Variants in PDZD2 observed in about 807,000 individuals in gnomAD.
PDZD2 encodes PDZ domain containing 2.
In PDZD2, 90 loss-of-function variants were observed where a neutral mutation model predicts 220.7. That is an observed-to-expected ratio of 0.41 (90% confidence interval 0.34 to 0.49). PDZD2 has a LOEUF of 0.49. PDZD2 is among the 20% of genes least tolerant of loss of function. The probability of loss-of-function intolerance (pLI) is 0.28; values close to 1 mark genes in which losing one functional copy is unlikely to be tolerated. For synonymous variants in PDZD2, 1,375 were observed against 1,450.5 expected (o/e 0.95, Z 1.18); for missense variants, 3,174 against 3,608.5 (o/e 0.88, Z 3.08).
intron 1 of PDZD2, among the ~76,000 whole-genome samples, chr5:31,795,011 G>C (rs907144321): frequency 3.9e-5 from 6 of 152,182 alleles, no homozygotes; most frequent in South Asian, 2.1e-4. Context: ...TAAGGATCTA[G>C]GCTCTGAATT....
At chr5:32,019,397 G>A (rs1166092244) in intron 6 of PDZD2, among the ~76,000 whole-genome samples, 1 of 152,172 alleles carries the variant, frequency 6.6e-6, no homozygotes, top group African/African-American at 2.4e-5. Flanking sequence ...TCCCGTCTCA[G>A]CCTCCCAAAG....
chr5:31,673,690 G>A (rs1477395800), intron 1 of PDZD2, among the ~76,000 whole-genome samples: 1 of 152,172 alleles, frequency 6.6e-6, no homozygotes, highest in African/African-American at 2.4e-5. Context: ...GAGATACTAG[G>A]CAGGGTGCAG....
intron 1 of PDZD2, among the ~76,000 whole-genome samples, chr5:31,718,252 T>A (rs768549670): frequency 6.6e-6 from 1 of 152,092 alleles, no homozygotes; most frequent in Non-Finnish European, 1.5e-5. Flanking sequence ...TGCAGGGCTG[T>A]AATTTGATCT....
chr5:31,898,748 C>T (rs1432830526), intron 2 of PDZD2, among the ~76,000 whole-genome samples: 1 of 151,542 alleles, frequency 6.6e-6, no homozygotes, highest in East Asian at 1.9e-4. Flanking sequence ...TGGGAACTCA[C>T]CAGACAGGTC....
At chr5:32,048,397 G>T (rs1249820687) in intron 7 of PDZD2, 142 bp from the exon 8 acceptor site, 3 of 661,694 alleles carry the variant, frequency 4.5e-6, no homozygotes, top group Non-Finnish European at 7.9e-6. Context: ...GATGGGCTAG[G>T]CTCTGTGCTT....
Position 31,760,977 on chromosome 5 carries a change from G to A in PDZD2, c.-360-37912G>A, listed in dbSNP as rs550547350. ...ACATTTGTTGAGTGGAAGAGTAGAG[G>A]AGGGAGGAAGAGCATTCTAGAAGTC... is the stretch of plus-strand genomic sequence containing the variant. On this transcript the variant is annotated intron_variant, in intron 1 of 24. Transcript: ENST00000438447. Among the ~76,000 whole-genome samples, 6 of 152,110 alleles carry A rather than the reference G, an allele frequency of 3.9e-5. No homozygotes were observed. In the South Asian group the frequency reaches 1.3e-3, roughly 32 times the overall value.
Position 31,646,630 on chromosome 5 carries a change from C to G in PDZD2, c.-361+7193C>G, listed in dbSNP as rs986732100. Among the ~76,000 whole-genome samples the G allele has an allele frequency of 6.6e-6, 1 of 152,134 alleles. No individual in the cohort carries two copies. The highest frequency in any genetic ancestry group is 1.5e-5 in the Non-Finnish European group (1 of 68,034). On this transcript the variant is annotated intron_variant, in intron 1 of 24. Transcript: ENST00000438447. This position sits in a 1 kb window ranked among gnomAD's most constrained non-coding sequence, Gnocchi z 4.7. Reference sequence around the variant, plus strand: ...CCCGCCCAACACCCTCTTTCTGGCACAGTGTGTTTTATGGAGATTTGGGTA... The same window carrying G: ...CCCGCCCAACACCCTCTTTCTGGCAGAGTGTGTTTTATGGAGATTTGGGTA...
chr5:32,077,888 C>T (rs1741463068), intron 19 of PDZD2: 4 of 328,552 alleles, frequency 1.2e-5, no homozygotes, highest in Non-Finnish European at 2.3e-5. Flanking sequence ...ACTGGGTAGG[C>T]GGAGGTTGCA....
chr5:31,886,648 G>GGTCT (rs1413035469), intron 2 of PDZD2, among the ~76,000 whole-genome samples: 4 of 152,178 alleles, frequency 2.6e-5, no homozygotes, highest in African/African-American at 7.2e-5. Context: ...GACTGTTACA[G>GGTCT]GTAGAGCCCA....
chr5:31,751,550 G>A (rs1257633182), intron 1 of PDZD2, among the ~76,000 whole-genome samples: 1 of 151,960 alleles, frequency 6.6e-6, no homozygotes, highest in East Asian at 1.9e-4. Context: ...GAAAGATGAT[G>A]GTAAGCCCAT....
chr5:31,712,136 C>T (rs1430072154), intron 1 of PDZD2: 1 of 152,244 alleles, frequency 6.6e-6, no homozygotes, highest in Non-Finnish European at 1.5e-5. Context: ...AACCCAGAGC[C>T]CTGAGGAGCA....
chr5:31,936,349 A>G, intron 2 of PDZD2: 1 of 986,992 alleles, frequency 1.0e-6, no homozygotes, highest in Non-Finnish European at 1.2e-6. Flanking sequence ...TAAAGCAGGT[A>G]GGACGGGAGA....
chr5:32,035,541 C>T (rs1755469300), intron 6 of PDZD2, among the ~76,000 whole-genome samples: 1 of 152,000 alleles, frequency 6.6e-6, no homozygotes, highest in East Asian at 1.9e-4. Context: ...CGATGTTGCC[C>T]AGGCTGCTGA....
rs574632228 is a variant in PDZD2 at position 31,830,503 on chromosome 5, TA to T, written c.476+30780del. Among the ~76,000 whole-genome samples the T allele has an allele frequency of 2.6e-4, 39 of 152,248 alleles. 1 individual carries two copies. Among genetic ancestry groups the T allele is most frequent in the African/African-American group, 9.2e-4 (38 of 41,530 alleles). ...GATGGCATTTTTAACTTGTATGTTT[TA>T]TTTTTTTAATATTCAACTTTTAAAA... On this transcript the variant is annotated intron_variant, in intron 2 of 24. Coordinates refer to ENST00000438447, the MANE Select transcript of PDZD2 (RefSeq NM_178140.4).
chr5:31,881,346 G>A (rs1347846554), intron 2 of PDZD2, among the ~76,000 whole-genome samples: 3 of 141,518 alleles, frequency 2.1e-5, no homozygotes, highest in African/African-American at 8.3e-5. Flanking sequence ...GTGTGTGTGT[G>A]TGTGTGTGTG....
At chr5:32,079,824 A>G (rs895336329) in intron 19 of PDZD2, among the ~76,000 whole-genome samples, 2 of 152,014 alleles carry the variant, frequency 1.3e-5, no homozygotes, top group African/African-American at 4.8e-5. Context: ...AAAAAAAAAG[A>G]AAAAAGTGAA....
intron 1 of PDZD2, among the ~76,000 whole-genome samples, chr5:31,778,165 C>T (rs898510203): frequency 5.3e-5 from 8 of 152,196 alleles, no homozygotes; most frequent in African/African-American, 1.7e-4. Context: ...CCAATCAGCA[C>T]TCTGTGTCTA....
At chr5:31,865,944 T>A (rs62361599) in intron 2 of PDZD2, among the ~76,000 whole-genome samples, 1 of 150,166 alleles carries the variant, frequency 6.7e-6, no homozygotes, top group Non-Finnish European at 1.5e-5. Context: ...TTTTTTTTTT[T>A]AATCCCCTGG....
intron 2 of PDZD2, among the ~76,000 whole-genome samples, chr5:31,912,688 A>G (rs963147865): frequency 6.6e-6 from 1 of 152,208 alleles, no homozygotes; most frequent in Admixed American, 6.6e-5. Context: ...TCCAAAATGA[A>G]AAAACAGCTC....
Sources: allele counts gnomAD v4.1 joint callset (sites outside exome capture counted in the v4.1 genomes callset), GRCh38; gene constraint gnomAD v4.1.1; non-coding constraint Gnocchi (gnomAD v3.1); transcripts MANE v1.5; gene names NCBI Gene and HGNC (gene_info 2026-07-23, HGNC 2026-07-21).